The following ICMT variants were observed in gnomAD, a reference collection of about 807,000 sequenced individuals.
The protein encoded by ICMT is protein-S-isoprenylcysteine O-methyltransferase.
ICMT carries 10 observed loss-of-function variants against 32.2 expected under a neutral mutation model. The observed-to-expected ratio is 0.31, with a 90% confidence interval of 0.19 to 0.53. The LOEUF (loss-of-function observed/expected upper bound fraction) is 0.53, where lower values mean the gene tolerates loss of function less well. ICMT is among the 20% of genes least tolerant of loss of function. The probability of loss-of-function intolerance (pLI) is 0.96; values close to 1 mark genes in which losing one functional copy is unlikely to be tolerated. For missense variants in ICMT, 265 were observed against 356.9 expected, an observed-to-expected ratio of 0.74 and a Z score of 2.07; for synonymous variants, 183 against 158.2, an observed-to-expected ratio of 1.16 and a Z score of -1.18.
At chr1:6,226,255 G>A (rs1176452371) in intron 4 of ICMT, among the ~76,000 whole-genome samples, 4 of 152,164 alleles carry the variant, frequency 2.6e-5, no homozygotes, top group Admixed American at 6.5e-5. Context: ...AATTAGCTGG[G>A]CGTAGTGGTG....
intron 2 of ICMT, 77 bp downstream of exon 2, chr1:6,234,809 G>C (rs759312909): frequency 1.8e-5 from 19 of 1,072,892 alleles, no homozygotes; most frequent in Non-Finnish European, 2.8e-5. Flanking sequence ...ATGAGACAGG[G>C]ATGAGGAAAT....
Position 6,235,953 on chromosome 1 carries a change from G to GCCCGGAGAAACGCGCCGGCTGCAT in ICMT, c.-43_-42insATGCAGCCGGCGCGTTTCTCCGGG. On this transcript the variant is annotated 5_prime_UTR_variant, in exon 1 of 5. The change creates a new upstream start codon in the 5' untranslated region. Coordinates refer to ENST00000343813, the MANE Select transcript of ICMT (RefSeq NM_012405.4). Reference sequence around the variant, plus strand: ...CTAGCGGGCGGCGGCGCCGGCTGTAGCCCGGAGAAACGCGCCGGCTGCGCC... The same window carrying GCCCGGAGAAACGCGCCGGCTGCAT: ...CTAGCGGGCGGCGGCGCCGGCTGTAGCCCGGAGAAACGCGCCGGCTGCATCCCGGAGAAACGCGCCGGCTGCGCC... 2 of 1,048,868 alleles carry GCCCGGAGAAACGCGCCGGCTGCAT rather than the reference G, an allele frequency of 1.9e-6. No homozygotes were observed. Among genetic ancestry groups the GCCCGGAGAAACGCGCCGGCTGCAT allele is most frequent in the Non-Finnish European group, 2.3e-6 (2 of 860,236 alleles). The allele number at this position is 1,048,868 out of a possible 1,614,324, so 65.0% of individuals were successfully genotyped here.
intron 4 of ICMT, among the ~76,000 whole-genome samples, chr1:6,231,544 CAAAAAAA>C (rs35257483): frequency 7.7e-6 from 1 of 129,806 alleles, no homozygotes; most frequent in Non-Finnish European, 1.7e-5. Context: ...CTGTCTCTAC[CAAAAAAA>C]AAAAAAGAAA....
At chr1:6,231,174 A>T (rs1264308899) in intron 4 of ICMT, among the ~76,000 whole-genome samples, 1 of 151,444 alleles carries the variant, frequency 6.6e-6, no homozygotes, top group Non-Finnish European at 1.5e-5. Context: ...AGGTCTCAAA[A>T]AAAAAAAAGA....
rs1245076300 is a variant in ICMT at position 6,221,962 on chromosome 1, C to T, written c.*3118G>A. 1 of 152,190 alleles carries T rather than the reference C, an allele frequency of 6.6e-6. No homozygotes were observed. Among genetic ancestry groups the T allele is most frequent in the Non-Finnish European group, 1.5e-5 (1 of 68,038 alleles). 9.4% of individuals were successfully genotyped at this position (152,190 alleles called of 1,614,324 possible). A position where few individuals can be genotyped will look rare whatever the true frequency, so the allele number is the denominator to read the frequency against. On this transcript the variant is annotated 3_prime_UTR_variant, in exon 5 of 5. Transcript: ENST00000343813. ...TAAATCTCTTGACAGTTTTTTAAAT[C>T]GAGAAAATTGGTGATGTGGCCTTGG...
chr1:6,234,370 T>C, intron 2 of ICMT: 2 of 419,080 alleles, frequency 4.8e-6, no homozygotes, highest in Admixed American at 6.3e-5. Context: ...ATTAGATGGC[T>C]CAAAATATTG....
chr1:6,231,822 T>C, intron 4 of ICMT, 80 bp downstream of exon 4: 1 of 912,502 alleles, frequency 1.1e-6, no homozygotes. Flanking sequence ...AATGGTGACT[T>C]TTATGCTACG....
In ICMT at chr1:6,223,829, A is replaced by C. The variant is rs879907373; in HGVS notation, c.*1251T>G. ...GCCGCCTTCACATTCACACTTCTTC[A>C]GTGCCACCGCAACACTGCATGGCAG... On this transcript the variant is annotated 3_prime_UTR_variant, in exon 5 of 5. Transcript: ENST00000343813. The C allele has an allele frequency of 5.9e-5, 9 of 152,194 alleles. No individual in the cohort carries two copies. Among genetic ancestry groups the C allele is most frequent in the Non-Finnish European group, 1.2e-4 (8 of 68,056 alleles). The allele number at this position is 152,194 out of a possible 1,614,324, so 9.4% of individuals were successfully genotyped here.
At chr1:6,226,130 C>T (rs1668642101) in intron 4 of ICMT, among the ~76,000 whole-genome samples, 1 of 152,102 alleles carries the variant, frequency 6.6e-6, no homozygotes, top group Admixed American at 6.6e-5. Context: ...TACGGTGGCT[C>T]ATGTCTGTTA....
intron 4 of ICMT, among the ~76,000 whole-genome samples, chr1:6,225,514 C>T (rs1668632876): frequency 6.6e-6 from 1 of 152,152 alleles, no homozygotes; most frequent in African/African-American, 2.4e-5. Flanking sequence ...TGGATTTCAA[C>T]CCTCAGCTTG....
intron 4 of ICMT, among the ~76,000 whole-genome samples, chr1:6,229,818 A>G (rs1224164276): frequency 2.8e-5 from 4 of 142,578 alleles, no homozygotes; most frequent in African/African-American, 1.0e-4. Flanking sequence ...ACACACACAC[A>G]CACACATAGA....
intron 4 of ICMT, 29 bp downstream of exon 4, chr1:6,231,872 AG>A (rs1240667756): frequency 3.2e-5 from 43 of 1,343,424 alleles, no homozygotes; most frequent in South Asian, 1.3e-4. Context: ...AAAAAAAAAA[AG>A]AAAAGCAGTG....
intron 3 of ICMT, among the ~76,000 whole-genome samples, chr1:6,233,042 G>T (rs375196026): frequency 1.3e-5 from 2 of 151,740 alleles, no homozygotes; most frequent in African/African-American, 4.8e-5. Context: ...TTTTAGTAGA[G>T]ACGGGGTTTC....
rs760431915 is a variant in ICMT at position 6,233,567 on chromosome 1, A to G, written c.361T>C (p.Leu121=). ...CTGTGATTCAGGAGAAAGGAATCCA[A>G]GGACAGACTTTTGGGATTATTGACT... is the stretch of plus-strand genomic sequence containing the variant. ...TAVNNPKSLS[L]DSFLLNHSLE... is the part of the protein sequence containing the mutation. Residue 121 remains leucine, a synonymous_variant, in exon 3 of 5, where the codon TTG becomes CTG. Transcript: ENST00000343813. The G allele has an allele frequency of 1.2e-6, 2 of 1,613,988 alleles. No homozygotes were observed. Among genetic ancestry groups the G allele is most frequent in the African/African-American group, 1.3e-5 (1 of 74,948 alleles).
At chr1:6,227,882 T>G (rs1668668590) in intron 4 of ICMT, among the ~76,000 whole-genome samples, 1 of 151,518 alleles carries the variant, frequency 6.6e-6, no homozygotes, top group African/African-American at 2.4e-5. Context: ...GAAATAAGGC[T>G]TTGGGTTGGG....
Position 6,225,086 on chromosome 1 carries a change from G to C in ICMT, c.849C>G (p.Asp283Glu). The change falls in exon 5 of 5, where the codon GAC (aspartate) becomes GAG (glutamate). Residue 283 changes from aspartate (D) to glutamate (E), a missense_variant. This residue lies in a region of ICMT where 166 missense variants were observed against 264.3 expected (regional missense o/e 0.63). Coordinates refer to ENST00000343813, the MANE Select transcript of ICMT (RefSeq NM_012405.4). ...GLPFIKGVKVDL is the reference protein window; with the variant it reads ...GLPFIKGVKVEL ...TCACCGGGGCCACTGCCCGTCACAGGTCCACCTTGACCCCCTTTATGAAAG... is the reference window on the plus strand; with the variant it reads ...TCACCGGGGCCACTGCCCGTCACAGCTCCACCTTGACCCCCTTTATGAAAG... The C allele has an allele frequency of 6.2e-7, 1 of 1,612,872 alleles. No homozygotes were observed.
chr1:6,234,506 T>A (rs1479216817), intron 2 of ICMT: 2 of 485,446 alleles, frequency 4.1e-6, no homozygotes, highest in Non-Finnish European at 8.2e-6. Context: ...ATGCACTAGA[T>A]GTGACCTAAT....
rs773035350 is a variant in ICMT at position 6,225,134 on chromosome 1, C to T, written c.801G>A (p.Lys267=). 21 of 1,614,044 alleles carry T rather than the reference C, an allele frequency of 1.3e-5. No individual in the cohort carries two copies. The Admixed American group carries it at 3.0e-4, about 23-fold the overall frequency. Reference sequence around the variant, plus strand: ...AAGGCAGGCCCGTGGGCACCCTCTTCTTATACTCCAGGTACTCCTCTCCAA... The same window carrying T: ...AAGGCAGGCCCGTGGGCACCCTCTTTTTATACTCCAGGTACTCCTCTCCAA... ...HFFGEEYLEY[K]KRVPTGLPFI... is the part of the protein sequence containing the mutation. Residue 267 remains lysine, a synonymous_variant, in exon 5 of 5, where the codon AAG becomes AAA. Transcript: ENST00000343813.
rs896597330 is a variant in ICMT, at chr1:6,235,940, G to A, written c.-29C>T. 3.5e-5 allele frequency: 36 copies of A among 1,025,702 alleles called. No individual in the cohort carries two copies. The highest frequency in any genetic ancestry group is 4.2e-5 in the Non-Finnish European group (36 of 853,238). The allele number at this position is 1,025,702 out of a possible 1,614,324, so 63.5% of individuals were successfully genotyped here. A position where few individuals can be genotyped will look rare whatever the true frequency, so the allele number is the denominator to read the frequency against. On this transcript the variant is annotated 5_prime_UTR_variant, in exon 1 of 5. Coordinates refer to ENST00000343813, the MANE Select transcript of ICMT (RefSeq NM_012405.4). ...GCCGGGCGGCGGACTAGCGGGCGGC[G>A]GCGCCGGCTGTAGCCCGGAGAAACG...
Sources: gnomAD v4.1 joint callset for allele counts (sites outside exome capture counted in the v4.1 genomes callset) on GRCh38, gnomAD v4.1.1 for gene constraint, gnomAD v4.1.1 regional missense constraint, MANE v1.5 for transcripts, NCBI Gene and HGNC (gene_info 2026-07-23, HGNC 2026-07-21) for gene names.